GIPC2: variants seen among roughly 807,000 people sequenced by gnomAD.
The protein encoded by GIPC2 is GIPC PDZ domain containing family member 2, also known as PDZ domain-containing protein GIPC2.
In GIPC2, 30 loss-of-function variants were observed where a neutral mutation model predicts 30.6. That is an observed-to-expected ratio of 0.98 (90% confidence interval 0.73 to 1.33). The LOEUF is 1.33. Ranked by LOEUF, GIPC2 falls within the 40% of genes most tolerant of loss-of-function variation. The probability of loss-of-function intolerance (pLI) is 0.00; values close to 1 mark genes in which losing one functional copy is unlikely to be tolerated. For synonymous variants in GIPC2, 167 were observed against 150.0 expected (o/e 1.11, Z -0.83); for missense variants, 414 against 390.3 (o/e 1.06, Z -0.51).
chr1:78,115,103 C>G (rs1662543707), intron 3 of GIPC2, among the ~76,000 whole-genome samples: 2 of 152,178 alleles, frequency 1.3e-5, no homozygotes, highest in African/African-American at 2.4e-5. Context: ...AGGGATGATA[C>G]AACCTTTATG....
chr1:78,105,522 G>A (rs1034151813), intron 3 of GIPC2, among the ~76,000 whole-genome samples: 1 of 151,996 alleles, frequency 6.6e-6, no homozygotes, highest in African/African-American at 2.4e-5. Flanking sequence ...TTTTGACCTC[G>A]TGATCCGCCC....
At chr1:78,050,946 C>T (rs1002273469) in intron 1 of GIPC2, among the ~76,000 whole-genome samples, 5 of 152,108 alleles carry the variant, frequency 3.3e-5, no homozygotes, top group Admixed American at 2.6e-4. Flanking sequence ...TACATACCAT[C>T]TTTTAAAATA....
chr1:78,122,983 G>A (rs892456987), intron 4 of GIPC2, among the ~76,000 whole-genome samples: 1 of 152,064 alleles, frequency 6.6e-6, no homozygotes, highest in African/African-American at 2.4e-5. Flanking sequence ...CAGAAGGCTG[G>A]GTGCAGTAGC....
chr1:78,101,063 A>G (rs1662241921), intron 3 of GIPC2, among the ~76,000 whole-genome samples: 1 of 151,916 alleles, frequency 6.6e-6, no homozygotes, highest in Middle Eastern at 3.4e-3. Flanking sequence ...TGGTCGCAGA[A>G]GCTATGGAAA....
chr1:78,134,991 A>G (rs919494135), intron 5 of GIPC2, among the ~76,000 whole-genome samples: 2 of 152,332 alleles, frequency 1.3e-5, no homozygotes, highest in African/African-American at 4.8e-5. Context: ...AGAAAAACTG[A>G]ACAAGGCCGC....
At chr1:78,107,561 A>G (rs990453919) in intron 3 of GIPC2, among the ~76,000 whole-genome samples, 1 of 152,124 alleles carries the variant, frequency 6.6e-6, no homozygotes, top group Non-Finnish European at 1.5e-5. Context: ...GTGGTGGCTC[A>G]TGCCTGTAAT....
chr1:78,106,010 G>C (rs904188670), intron 3 of GIPC2, among the ~76,000 whole-genome samples: 1 of 151,902 alleles, frequency 6.6e-6, no homozygotes, highest in Non-Finnish European at 1.5e-5. Flanking sequence ...TGAGGTGGGC[G>C]GATCACCTGA....
Position 78,046,040 on chromosome 1 carries a change from G to A in GIPC2, c.-55G>A. The stretch of plus-strand genomic sequence containing the variant: ...CGGGGCGCAAAGTCCGAGGCGCCGG[G>A]GGGAGGAGGCGGCGGACGGCAGCGC... On this transcript the variant is annotated 5_prime_UTR_variant, in exon 1 of 6. Coordinates refer to ENST00000370759, the MANE Select transcript of GIPC2 (RefSeq NM_017655.6). 6 of 1,400,100 alleles carry A rather than the reference G, an allele frequency of 4.3e-6. No homozygotes were observed. The highest frequency in any genetic ancestry group is 5.6e-6 in the Non-Finnish European group (6 of 1,079,554). The allele number at this position is 1,400,100 out of a possible 1,614,324, so 86.7% of individuals were successfully genotyped here. A position where few individuals can be genotyped will look rare whatever the true frequency, so the allele number is the denominator to read the frequency against.
At chr1:78,091,518 C>T (rs1383691616) in intron 2 of GIPC2, 5 of 735,306 alleles carry the variant, frequency 6.8e-6, no homozygotes, top group African/African-American at 5.2e-5. Flanking sequence ...AAAGGCAGCT[C>T]CAAACAGCCG....
intron 3 of GIPC2, 120 bp from the exon 4 acceptor site, chr1:78,119,273 T>G (rs908193183): frequency 3.4e-6 from 2 of 591,224 alleles, no homozygotes; most frequent in African/African-American, 3.7e-5. Context: ...AGGCCTACGT[T>G]TTATCAAATT....
intron 3 of GIPC2, among the ~76,000 whole-genome samples, chr1:78,107,824 C>CAAAAAAAAAAAA (rs35134592): frequency 7.0e-5 from 2 of 28,744 alleles, no homozygotes; most frequent in Non-Finnish European, 1.2e-4. Context: ...AACTCTGTCT[C>CAAAAAAAAAAAA]AAAAAAAAAA....
chr1:78,138,201 T>C lies in GIPC2; in HGVS notation c.*2458T>C, dbSNP rs1353815446. 6.6e-6 allele frequency: 1 copy of C among 152,196 alleles called. No individual in the cohort carries two copies. Among genetic ancestry groups the C allele is most frequent in the Non-Finnish European group, 1.5e-5 (1 of 68,036 alleles). The allele number at this position is 152,196 out of a possible 1,614,324, so 9.4% of individuals were successfully genotyped here. ...CTGAGTCCTAATCAGATGTATATAC[T>C]CTGATGATTACAAATAGGTACATGT... is the stretch of plus-strand genomic sequence containing the variant. On this transcript the variant is annotated 3_prime_UTR_variant, in exon 6 of 6. Coordinates refer to ENST00000370759, the MANE Select transcript of GIPC2 (RefSeq NM_017655.6).
intron 3 of GIPC2, among the ~76,000 whole-genome samples, chr1:78,096,178 T>C (rs1662134061): frequency 6.6e-6 from 1 of 152,174 alleles, no homozygotes; most frequent in Non-Finnish European, 1.5e-5. Context: ...GGGAGCACTC[T>C]AGGAACTACC....
chr1:78,059,607 G>A (rs1483538785), intron 1 of GIPC2, among the ~76,000 whole-genome samples: 8 of 152,076 alleles, frequency 5.3e-5, no homozygotes, highest in Non-Finnish European at 1.2e-4. Context: ...GTAAGGCATG[G>A]TGATGTGTGC....
rs1403674967 is a variant in GIPC2, at chr1:78,091,927, C to T, written c.427-3025C>T. 9.2e-6 allele frequency: 8 copies of T among 866,250 alleles called. No homozygotes were observed. In the East Asian group the frequency reaches 1.7e-4, roughly 18 times the overall value. The allele number at this position is 866,250 out of a possible 1,614,324, so 53.7% of individuals were successfully genotyped here. A position where few individuals can be genotyped will look rare whatever the true frequency, so the allele number is the denominator to read the frequency against. On this transcript the variant is annotated intron_variant, in intron 2 of 5. Transcript: ENST00000370759. ...CATTTTCCATTTTCTATTAACAACA[C>T]TCTGTTCCTGTTCTTGGTCATTTTT...
chr1:78,118,681 C>T (rs946196569), intron 3 of GIPC2, among the ~76,000 whole-genome samples: 2 of 152,178 alleles, frequency 1.3e-5, no homozygotes, highest in Non-Finnish European at 2.9e-5. Flanking sequence ...GACCCTATTT[C>T]TGTTGGTATG....
At chr1:78,123,410 G>A (rs192058237) in intron 4 of GIPC2, among the ~76,000 whole-genome samples, 4 of 152,166 alleles carry the variant, frequency 2.6e-5, no homozygotes, top group Admixed American at 2.0e-4. Context: ...AGTGTGGGGT[G>A]CTGGAAGTAC....
At chr1:78,085,344 G>A (rs974395497) in intron 2 of GIPC2, among the ~76,000 whole-genome samples, 1 of 152,158 alleles carries the variant, frequency 6.6e-6, no homozygotes, top group Non-Finnish European at 1.5e-5. Flanking sequence ...GTATTTTGTT[G>A]AGGATTTTTG....
At chr1:78,134,716 A>G (rs1212116360) in intron 5 of GIPC2, among the ~76,000 whole-genome samples, 1 of 152,158 alleles carries the variant, frequency 6.6e-6, no homozygotes, top group Non-Finnish European at 1.5e-5. Flanking sequence ...AAGTCATACA[A>G]ACTTGGATTA....
Sources: gnomAD v4.1 joint callset for allele counts (sites outside exome capture counted in the v4.1 genomes callset) on GRCh38, gnomAD v4.1.1 for gene constraint, MANE v1.5 for transcripts, NCBI Gene and HGNC (gene_info 2026-07-23, HGNC 2026-07-21) for gene names.